Variants in TNNI3K observed in about 807,000 individuals in gnomAD.
The protein encoded by TNNI3K is TNNI3 interacting kinase, also known as serine/threonine-protein kinase TNNI3K.
In TNNI3K, 140 loss-of-function variants were observed where a neutral mutation model predicts 114.5. That is an observed-to-expected ratio of 1.22 (90% confidence interval 1.07 to 1.41). The LOEUF is 1.41. Among genes scored for constraint, TNNI3K ranks in the 40% most tolerant of loss-of-function variants. The probability of loss-of-function intolerance (pLI) is 0.00; values close to 1 mark genes in which losing one functional copy is unlikely to be tolerated. For missense variants in TNNI3K, 1,125 were observed against 1,007.6 expected (o/e 1.12, Z -1.58); for synonymous variants, 347 against 347.5 (o/e 1.00, Z 0.02).
At chr1:74,402,086 T>C (rs754442797) in intron 17 of TNNI3K, 1 of 196,216 alleles carries the variant, frequency 5.1e-6, no homozygotes, top group African/African-American at 2.4e-5. Flanking sequence ...CATTTTATAA[T>C]AGCTAAATTT....
At chr1:74,525,516 G>T (rs1254087166) in intron 23 of TNNI3K, among the ~76,000 whole-genome samples, 1 of 152,154 alleles carries the variant, frequency 6.6e-6, no homozygotes, top group Non-Finnish European at 1.5e-5. Flanking sequence ...AGATGAGGCT[G>T]AAGAAATGAC....
At chr1:74,528,107 A>G (rs1646531043) in intron 23 of TNNI3K, among the ~76,000 whole-genome samples, 1 of 152,204 alleles carries the variant, frequency 6.6e-6, no homozygotes, top group Non-Finnish European at 1.5e-5. Context: ...TAGTGGCTCA[A>G]GTAAGGCCAG....
intron 11 of TNNI3K, among the ~76,000 whole-genome samples, chr1:74,365,204 G>A (rs1017497112): frequency 3.3e-5 from 5 of 152,018 alleles, no homozygotes; most frequent in African/African-American, 4.8e-5. Context: ...GTGGATTATC[G>A]TTTCTAACCT....
intron 2 of TNNI3K, among the ~76,000 whole-genome samples, chr1:74,242,611 A>G (rs1217762857): frequency 2.0e-5 from 3 of 152,194 alleles, no homozygotes; most frequent in Admixed American, 6.5e-5. Flanking sequence ...TAGAATGAAA[A>G]TATTATTTGG....
At chr1:74,424,991 G>A (rs1665566052) in intron 17 of TNNI3K, among the ~76,000 whole-genome samples, 1 of 152,116 alleles carries the variant, frequency 6.6e-6, no homozygotes, top group South Asian at 2.1e-4. Context: ...ACTGAAAATA[G>A]TTATAACCAT....
intron 17 of TNNI3K, among the ~76,000 whole-genome samples, chr1:74,432,689 A>G (rs113490727): frequency 1.3e-5 from 2 of 152,068 alleles, no homozygotes; most frequent in Non-Finnish European, 2.9e-5. Flanking sequence ...TATTGATTTC[A>G]GTCTCATTAC....
intron 17 of TNNI3K, among the ~76,000 whole-genome samples, chr1:74,403,301 GTTAT>G (rs1265330781): frequency 1.3e-5 from 2 of 152,030 alleles, no homozygotes; most frequent in East Asian, 3.9e-4. Context: ...GTTTTCATCT[GTTAT>G]TATCAATAGT....
At chr1:74,238,999 A>G (rs1160601539) in intron 2 of TNNI3K, among the ~76,000 whole-genome samples, 1 of 152,144 alleles carries the variant, frequency 6.6e-6, no homozygotes, top group African/African-American at 2.4e-5. Flanking sequence ...ATGCATAATA[A>G]AAATGATACT....
intron 19 of TNNI3K, among the ~76,000 whole-genome samples, chr1:74,436,841 G>C (rs1301968093): frequency 6.6e-6 from 1 of 151,984 alleles, no homozygotes; most frequent in Non-Finnish European, 1.5e-5. Flanking sequence ...TTATAGTAAA[G>C]TAAACATTTA....
chr1:74,278,850 T>A (rs747939045), intron 5 of TNNI3K, among the ~76,000 whole-genome samples: 2 of 152,230 alleles, frequency 1.3e-5, no homozygotes, highest in Non-Finnish European at 2.9e-5. Flanking sequence ...ATTGGAATTA[T>A]GTAATGTGGT....
chr1:74,421,710 C>T (rs896584134), intron 17 of TNNI3K, among the ~76,000 whole-genome samples: 11 of 152,040 alleles, frequency 7.2e-5, no homozygotes, highest in Admixed American at 2.6e-4. Flanking sequence ...TGACATCACC[C>T]GAATATCTGG....
At chr1:74,280,316 A>G (rs1345042686) in intron 5 of TNNI3K, among the ~76,000 whole-genome samples, 1 of 152,090 alleles carries the variant, frequency 6.6e-6, no homozygotes, top group African/African-American at 2.4e-5. Context: ...TGGGAGGCGG[A>G]GCTTGCAGTG....
chr1:74,381,034 A>G (rs537031233), intron 17 of TNNI3K, among the ~76,000 whole-genome samples: 2 of 152,272 alleles, frequency 1.3e-5, no homozygotes, highest in South Asian at 4.1e-4. Context: ...TGAAAAAGAG[A>G]TACAGATAAT....
intron 5 of TNNI3K, among the ~76,000 whole-genome samples, chr1:74,297,586 T>A (rs1027689139): frequency 1.3e-5 from 2 of 151,942 alleles, no homozygotes; most frequent in African/African-American, 4.8e-5. Flanking sequence ...TCCATTCACC[T>A]GTCAATGGAC....
chr1:74,437,337 A>G (rs1424931967), intron 19 of TNNI3K, among the ~76,000 whole-genome samples: 1 of 152,016 alleles, frequency 6.6e-6, no homozygotes, highest in East Asian at 1.9e-4. Flanking sequence ...TTGCATCATC[A>G]ACTAAGTTCT....
intron 23 of TNNI3K, among the ~76,000 whole-genome samples, chr1:74,517,825 A>C (rs55690942): frequency 0.095 from 14,496 of 152,204 alleles, 1,582 homozygotes; most frequent in African/African-American, 0.27. Flanking sequence ...TTTTAAGGCA[A>C]AAACTGCTGG....
chr1:74,249,509 G>A lies in TNNI3K; in HGVS notation c.200G>A (p.Gly67Glu), dbSNP rs747376388. 1.9e-6 allele frequency: 3 copies of A among 1,613,330 alleles called. No individual in the cohort carries two copies. The highest frequency in any genetic ancestry group is 1.7e-5 in the Admixed American group (1 of 59,968). Residue 67 changes from glycine (G) to glutamate (E), a missense_variant, in exon 3 of 25, where the codon GGG becomes GAG. Gly to Glu is a moderately conservative substitution (Grantham distance 98). Coordinates refer to ENST00000326637, the MANE Select transcript of TNNI3K (RefSeq NM_015978.3). ...KVNLNYRTEN[G>E]LSLLHLCCIC... ...AATTTAAATTACCGCACTGAAAATG[G>A]GCTGTCTCTACTTCATTTATGTTGC...
chr1:74,283,712 C>T (rs962783421), intron 5 of TNNI3K, among the ~76,000 whole-genome samples: 26 of 152,110 alleles, frequency 1.7e-4, no homozygotes, highest in African/African-American at 6.0e-4. Flanking sequence ...ATCCTTATGT[C>T]AATCTTTCTA....
rs1369570973 is a variant in TNNI3K at position 74,391,957 on chromosome 1, A to ATTATTTTTTTTTTTTT, written c.1772+21567_1772+21568insATTTTTTTTTTTTTTT. 3.9e-3 allele frequency among the ~76,000 whole-genome samples: 365 copies of ATTATTTTTTTTTTTTT among 92,992 alleles called. 6 individuals carry two copies. Among genetic ancestry groups the ATTATTTTTTTTTTTTT allele is most frequent in the Non-Finnish European group, 5.6e-3 (256 of 45,724 alleles). The allele number at this position is 92,992 out of a possible 152,430, so 61.0% of individuals were successfully genotyped here. A position where few individuals can be genotyped will look rare whatever the true frequency, so the allele number is the denominator to read the frequency against. On this transcript the variant is annotated intron_variant, in intron 17 of 24. Coordinates refer to ENST00000326637, the MANE Select transcript of TNNI3K (RefSeq NM_015978.3). Reference sequence around the variant, plus strand: ...TTGATTTAGGATGGTACAGCTTATTATTTTTTTTTTTTTTTTTTTTTTTTT... The same window carrying ATTATTTTTTTTTTTTT: ...TTGATTTAGGATGGTACAGCTTATTATTATTTTTTTTTTTTTTTTTTTTTTTTTTTTTTTTTTTTTT...
Sources: gnomAD v4.1 joint callset for allele counts (sites outside exome capture counted in the v4.1 genomes callset) on GRCh38, gnomAD v4.1.1 for gene constraint, MANE v1.5 for transcripts, NCBI Gene and HGNC (gene_info 2026-07-23, HGNC 2026-07-21) for gene names.